Variants in ANPEP observed in about 807,000 individuals in gnomAD.
ANPEP encodes the protein aminopeptidase N.
Under a neutral mutation model 114.6 loss-of-function variants are expected in ANPEP, and 70 were observed. The ratio of observed to expected loss-of-function variants is 0.61; its 90% CI spans 0.50 to 0.75. ANPEP has a LOEUF of 0.75. ANPEP is among the 30% of genes least tolerant of loss of function. The pLI, the probability that ANPEP is intolerant of heterozygous loss-of-function variation, is 0.00. For synonymous variants in ANPEP, 548 were observed against 522.3 expected, an observed-to-expected ratio of 1.05 and a Z score of -0.67; for missense variants, 1,184 against 1,259.5, an observed-to-expected ratio of 0.94 and a Z score of 0.91.
chr15:89,814,451 G>C (rs1177601483), intron 1 of ANPEP, among the ~76,000 whole-genome samples: 1 of 152,196 alleles, frequency 6.6e-6, no homozygotes, highest in African/African-American at 2.4e-5. Flanking sequence ...CCGCTCCGCC[G>C]CCCTCCCCGT....
intron 1 of ANPEP, among the ~76,000 whole-genome samples, chr15:89,812,129 C>T (rs1236784263): frequency 1.3e-5 from 2 of 152,174 alleles, no homozygotes; most frequent in Non-Finnish European, 2.9e-5. Flanking sequence ...TATGAAGACT[C>T]CAGGAGCCTG....
At chr15:89,791,123 T>G (rs967007676) in intron 18 of ANPEP, 30 bp from the exon 19 acceptor site, 8 of 1,611,130 alleles carry the variant, frequency 5.0e-6, no homozygotes, top group Admixed American at 1.7e-5. Flanking sequence ...TCTCAGCTAC[T>G]GCTAATTCAG....
Position 89,810,519 on chromosome 15 carries a change from G to A in ANPEP, c.-223-3713C>T, listed in dbSNP as rs545773322. Among the ~76,000 whole-genome samples the A allele has an allele frequency of 2.6e-5, 4 of 152,172 alleles. No individual in the cohort carries two copies. The East Asian group carries it at 5.8e-4, about 22-fold the overall frequency. ...CCAAGAGGTGGAGGTTGCAGTGGGC[G>A]GAGATCGTGCCACTACACTCCAGTC... On this transcript the variant is annotated intron_variant, in intron 1 of 20. Coordinates refer to ENST00000300060, the MANE Select transcript of ANPEP (RefSeq NM_001150.3).
chr15:89,800,464 G>A (rs374716996), intron 12 of ANPEP, among the ~76,000 whole-genome samples: 1 of 151,510 alleles, frequency 6.6e-6, no homozygotes, highest in East Asian at 1.9e-4. Flanking sequence ...AGGATGACTT[G>A]TCATGCCCTT....
Position 89,803,852 on chromosome 15 carries a change from A to G in ANPEP, c.1293+37T>C. ...GTAGCGGTGGCCCAGGTCTCCCTCC[A>G]TGCCCCCCGCACCAGACCCCTGGGC... On this transcript the variant is annotated intron_variant, in intron 7 of 20. Transcript: ENST00000300060. This position sits in a 1 kb window ranked among gnomAD's most constrained non-coding sequence, Gnocchi z 4.2. 6.2e-7 allele frequency: 1 copy of G among 1,613,680 alleles called. No homozygotes were observed. The highest frequency in any genetic ancestry group is 8.5e-7 in the Non-Finnish European group (1 of 1,179,750).
In ANPEP at chr15:89,799,225, G is replaced by A. The variant is rs1596165431; in HGVS notation, c.2009+35C>T. The A allele has an allele frequency of 1.6e-5, 25 of 1,612,620 alleles. No individual in the cohort carries two copies. The East Asian group carries it at 5.6e-4, about 36-fold the overall frequency. On this transcript the variant is annotated intron_variant, in intron 14 of 20. Transcript: ENST00000300060. The surrounding 1 kb of genome is among the most constrained non-coding windows in gnomAD (Gnocchi z 4.2). ...GGACTCAGACTTGCTGAAGTCACGA[G>A]CTTCTGCAGCTGAGCCAGGCAGCGG...
At chr15:89,794,840 T>A (rs28639834) in intron 15 of ANPEP, among the ~76,000 whole-genome samples, 7,698 of 151,944 alleles carry the variant, frequency 0.051, 217 homozygotes, top group East Asian at 0.067. Flanking sequence ...ATACAGAGGC[T>A]TACTCTCTGG....
At chr15:89,786,307 A>G (rs1370311256) in intron 20 of ANPEP, among the ~76,000 whole-genome samples, 2 of 151,958 alleles carry the variant, frequency 1.3e-5, no homozygotes, top group African/African-American at 4.8e-5. Flanking sequence ...GTGTCCATGG[A>G]CTGGAAGATT....
chr15:89,812,647 G>C (rs1894836109), intron 1 of ANPEP, among the ~76,000 whole-genome samples: 1 of 151,976 alleles, frequency 6.6e-6, no homozygotes. Context: ...TGCCAAATGG[G>C]GGGTGATTAT....
intron 1 of ANPEP, among the ~76,000 whole-genome samples, chr15:89,811,690 C>A (rs187835357): frequency 6.6e-6 from 1 of 151,762 alleles, no homozygotes; most frequent in East Asian, 1.9e-4. Context: ...AATTGTTCCT[C>A]TAGGTAGCTC....
At chr15:89,804,975 C>T (rs904495631) in intron 4 of ANPEP, 103 bp downstream of exon 4, 1 of 1,532,268 alleles carries the variant, frequency 6.5e-7, no homozygotes, top group Non-Finnish European at 8.9e-7. Context: ...GGATTCCAAC[C>T]CTGGCCTAAC....
intron 1 of ANPEP, among the ~76,000 whole-genome samples, chr15:89,811,221 C>T (rs1196977023): frequency 1.3e-5 from 2 of 152,240 alleles, no homozygotes; most frequent in Admixed American, 6.5e-5. Flanking sequence ...AAACCACCTT[C>T]GTGATCCACC....
intron 15 of ANPEP, among the ~76,000 whole-genome samples, chr15:89,797,053 C>T (rs1968741613): frequency 6.6e-6 from 1 of 152,216 alleles, no homozygotes; most frequent in Non-Finnish European, 1.5e-5. Flanking sequence ...AAATAGGCCC[C>T]TATGCTCAGC....
At chr15:89,788,790 TA>T (rs1968560391) in intron 20 of ANPEP, among the ~76,000 whole-genome samples, 1 of 150,738 alleles carries the variant, frequency 6.6e-6, no homozygotes, top group Non-Finnish European at 1.5e-5. Flanking sequence ...TTTATTTATT[TA>T]TTTATTTATT....
intron 1 of ANPEP, among the ~76,000 whole-genome samples, chr15:89,813,522 C>G (rs567377970): frequency 4.6e-5 from 7 of 152,102 alleles, no homozygotes; most frequent in Non-Finnish European, 7.4e-5. Context: ...GTGTGGCCTT[C>G]GAGGCTAGGG....
Position 89,803,946 on chromosome 15 carries a change from G to A in ANPEP, c.1236C>T (p.Gly412=). ...EWWNDLWLNE[G]FASYVEYLGA... ...CCAGGTACTCCACGTAGGAGGCGAA[G>A]CCCTCGTTCAGCCACAGGTCATTCC... Residue 412 remains glycine (G), a synonymous_variant, in exon 7 of 21, where the codon GGC becomes GGT. Coordinates refer to ENST00000300060, the MANE Select transcript of ANPEP (RefSeq NM_001150.3). The surrounding 1 kb of genome is among the most constrained non-coding windows in gnomAD (Gnocchi z 4.2). 1 of 1,614,184 alleles carries A rather than the reference G, an allele frequency of 6.2e-7. No individual in the cohort carries two copies. Among genetic ancestry groups the A allele is most frequent in the Non-Finnish European group, 8.5e-7 (1 of 1,180,012 alleles).
intron 12 of ANPEP, among the ~76,000 whole-genome samples, chr15:89,800,763 G>A (rs1157588484): frequency 3.3e-5 from 5 of 152,006 alleles, no homozygotes; most frequent in African/African-American, 4.8e-5. Flanking sequence ...GTTTCTCCAT[G>A]TTTGTCAGGC....
At chr15:89,805,276 G>T in intron 3 of ANPEP, 45 bp downstream of exon 3, 1 of 1,613,026 alleles carries the variant, frequency 6.2e-7, no homozygotes. Flanking sequence ...CCCAGCCCAG[G>T]GTGCCTGCCC....
intron 15 of ANPEP, among the ~76,000 whole-genome samples, chr15:89,793,529 C>T (rs1968672559): frequency 1.3e-5 from 2 of 152,026 alleles, no homozygotes; most frequent in South Asian, 2.1e-4. Context: ...GGTGAAACCA[C>T]GTCTCTACTA....
Sources: allele counts gnomAD v4.1 joint callset (sites outside exome capture counted in the v4.1 genomes callset), GRCh38; gene constraint gnomAD v4.1.1; non-coding constraint Gnocchi (gnomAD v3.1); transcripts MANE v1.5; gene names NCBI Gene and HGNC (gene_info 2026-07-23, HGNC 2026-07-21).